The following ZNF782 variants were observed in gnomAD, a reference collection of about 807,000 sequenced individuals.
ZNF782 encodes the protein zinc finger protein 782.
In ZNF782, 12 loss-of-function variants were observed where a neutral mutation model predicts 13.0. That is an observed-to-expected ratio of 0.92 (90% CI 0.59 to 1.50). The LOEUF is 1.50. Among genes scored for constraint, ZNF782 ranks in the 40% most tolerant of loss-of-function variants. The probability of loss-of-function intolerance (pLI) is 0.00; values close to 1 mark genes in which losing one functional copy is unlikely to be tolerated. For missense variants in ZNF782, 770 were observed against 822.9 expected (o/e 0.94, Z 0.79); for synonymous variants, 284 against 283.0 (o/e 1.00, Z -0.04).
chr9:96,865,006 A>G (rs566436604), intron 1 of ZNF782, among the ~76,000 whole-genome samples: 2 of 151,958 alleles, frequency 1.3e-5, no homozygotes, highest in South Asian at 2.1e-4. Context: ...GGATCATGCC[A>G]CTGCACTTTA....
chr9:96,831,834 T>C (rs1850812570), intron 4 of ZNF782, among the ~76,000 whole-genome samples: 1 of 152,214 alleles, frequency 6.6e-6, no homozygotes, highest in African/African-American at 2.4e-5. Flanking sequence ...ATCCTGCTTT[T>C]TTATGATTAA....
the ZNF782 span, chr9:96,894,449 A>G: frequency 6.6e-6 from 1 of 152,158 alleles, no homozygotes; most frequent in Non-Finnish European, 1.5e-5. Context: ...GCCTGTTTTC[A>G]GCAAGAATCC....
the ZNF782 span, among the ~76,000 whole-genome samples, chr9:96,905,369 A>G: frequency 6.6e-6 from 1 of 151,394 alleles, no homozygotes; most frequent in South Asian, 2.1e-4. Context: ...ACCATTTACA[A>G]ATGCCATGGC....
chr9:96,837,717 T>C (rs1468262317), intron 4 of ZNF782, among the ~76,000 whole-genome samples: 1 of 152,196 alleles, frequency 6.6e-6, no homozygotes, highest in Admixed American at 6.5e-5. Context: ...GTACGCTATG[T>C]TGTATTTTCA....
At chr9:96,929,149 G>C in the ZNF782 span, 1 of 1,567,686 alleles carries the variant, frequency 6.4e-7, no homozygotes. Flanking sequence ...TGTTGAGGGA[G>C]CACTGGATGT....
At chr9:96,876,065 C>T (rs1005390018), upstream of ZNF782, among the ~76,000 whole-genome samples, 1 of 152,150 alleles carries the variant, frequency 6.6e-6, no homozygotes, top group African/African-American at 2.4e-5. Context: ...TGCCAGAGCC[C>T]CTAGAGGTTA....
Position 96,819,634 on chromosome 9 carries a change from C to A in ZNF782, c.389G>T (p.Arg130Leu). 2 of 1,613,798 alleles carry A rather than the reference C, an allele frequency of 1.2e-6. No individual in the cohort carries two copies. Among genetic ancestry groups the A allele is most frequent in the Non-Finnish European group, 1.7e-6 (2 of 1,179,994 alleles). ...ACATTTACAAGGCATCATTCTTGCA[C>A]GAAAAATGTTTATGTCTCGATTATG... ...KPHNRDINIF[R>L]ARMMPCKCDI... Residue 130 changes from arginine to leucine, a missense_variant, in exon 6 of 6, where the codon CGT becomes CTT. Arg to Leu is a moderately radical substitution (Grantham distance 102). Coordinates refer to ENST00000481138, the MANE Select transcript of ZNF782 (RefSeq NM_001001662.3).
upstream of ZNF782, among the ~76,000 whole-genome samples, chr9:96,858,952 A>G (rs543003221): frequency 1.3e-5 from 2 of 151,518 alleles, no homozygotes; most frequent in African/African-American, 4.9e-5. The surrounding 1 kb of genome is among the most constrained non-coding windows in gnomAD (Gnocchi z 4.4). Flanking sequence ...ACAAGGTTGC[A>G]CTCATCTGAT....
intron 1 of ZNF782, chr9:96,875,387 AACGCC>A: frequency 2.3e-6 from 1 of 437,366 alleles, no homozygotes; most frequent in Non-Finnish European, 4.6e-6. Flanking sequence ...GTTTCAAAAC[AACGCC>A]ATGAAGCAGG....
At chr9:96,816,207 A>G (rs1027220742), downstream of ZNF782, among the ~76,000 whole-genome samples, 4 of 152,230 alleles carry the variant, frequency 2.6e-5, no homozygotes, top group Non-Finnish European at 5.9e-5. Flanking sequence ...TTTAGTAACA[A>G]TGGCCTTTAC....
intron 1 of ZNF782, among the ~76,000 whole-genome samples, chr9:96,870,401 C>T (rs1465249926): frequency 6.6e-6 from 1 of 151,892 alleles, no homozygotes; most frequent in African/African-American, 2.4e-5. Context: ...ACATCTGAAC[C>T]CCTCATCAAA....
At chr9:96,880,548 GTTTTA>G (rs1851949652), upstream of ZNF782, among the ~76,000 whole-genome samples, 1 of 152,282 alleles carries the variant, frequency 6.6e-6, no homozygotes, top group Non-Finnish European at 1.5e-5. Context: ...ATCCTGTGGT[GTTTTA>G]TTTTTTCTTT....
chr9:96,844,967 C>T lies in ZNF782; in HGVS notation c.65G>A (p.Trp22Ter). The change falls in exon 4 of 6, where the codon TGG becomes TAG. Residue 22 changes from tryptophan to a stop codon, truncating the protein, a stop_gained. Coordinates refer to ENST00000481138, the MANE Select transcript of ZNF782 (RefSeq NM_001001662.3). LOFTEE classifies it high-confidence loss of function. ...DVTVEFSQEE[W>*]QHMGPVERTL... Reference sequence around the variant, plus strand: ...CCTCTCAACAGGGCCCATGTGCTGCCACTCCTCCTGGCTGAATTCCACAGT... The same window carrying T: ...CCTCTCAACAGGGCCCATGTGCTGCTACTCCTCCTGGCTGAATTCCACAGT... The T allele has an allele frequency of 6.2e-7, 1 of 1,614,032 alleles. No homozygotes were observed. The highest frequency in any genetic ancestry group is 8.5e-7 in the Non-Finnish European group (1 of 1,179,962).
upstream of ZNF782, among the ~76,000 whole-genome samples, chr9:96,879,458 G>C (rs143247525): frequency 0.016 from 2,504 of 152,216 alleles, 37 homozygotes; most frequent in Non-Finnish European, 0.024. Flanking sequence ...AGCCCAGATC[G>C]CGCCACTGCA....
the ZNF782 span, among the ~76,000 whole-genome samples, chr9:96,917,801 A>G: frequency 1.3e-5 from 2 of 151,338 alleles, no homozygotes; most frequent in East Asian, 3.9e-4. Flanking sequence ...ATGACTCACT[A>G]CAGTCTCCAG....
At chr9:96,884,016 A>G in the ZNF782 span, among the ~76,000 whole-genome samples, 4,384 of 152,354 alleles carry the variant, frequency 0.029, 210 homozygotes, top group African/African-American at 0.099. Context: ...GCTTTTAGCA[A>G]TATCAGCCCT....
At chr9:96,919,469 TTA>T in the ZNF782 span, among the ~76,000 whole-genome samples, 1 of 111,284 alleles carries the variant, frequency 9.0e-6, no homozygotes, top group Non-Finnish European at 1.8e-5. Context: ...CTCATTTGTT[TTA>T]TGTGTTGGGT....
the ZNF782 span, chr9:96,893,999 CAAA>C: frequency 8.2e-5 from 4 of 48,894 alleles, no homozygotes; most frequent in Admixed American, 3.9e-4. Context: ...GACTCCGTCT[CAAA>C]AAAAAAAAAA....
intron 5 of ZNF782, among the ~76,000 whole-genome samples, chr9:96,823,525 C>T (rs973854869): frequency 6.6e-6 from 1 of 152,136 alleles, no homozygotes; most frequent in African/African-American, 2.4e-5. Context: ...TATCAAAATG[C>T]CCTTTCTCTT....
Sources: gnomAD v4.1 joint callset for allele counts (sites outside exome capture counted in the v4.1 genomes callset) on GRCh38, gnomAD v4.1.1 for gene constraint, Gnocchi (gnomAD v3.1) non-coding constraint, MANE v1.5 for transcripts, NCBI Gene and HGNC (gene_info 2026-07-23, HGNC 2026-07-21) for gene names.